PALM2AKAP2: variants seen among roughly 807,000 people sequenced by gnomAD.
PALM2AKAP2 encodes PALM2-AKAP2 fusion protein.
PALM2AKAP2 carries 37 observed loss-of-function variants against 71.5 expected under a neutral mutation model. The ratio of observed to expected loss-of-function variants is 0.52; its 90% CI spans 0.40 to 0.68. PALM2AKAP2 has a LOEUF of 0.68. Ranked by LOEUF, PALM2AKAP2 falls within the 30% of genes least tolerant of loss-of-function variation. The pLI, the probability that PALM2AKAP2 is intolerant of heterozygous loss-of-function variation, is 0.00. For synonymous variants in PALM2AKAP2, 468 were observed against 478.8 expected (o/e 0.98, Z 0.29); for missense variants, 1,224 against 1,191.8 (o/e 1.03, Z -0.40).
rs552661145 is a variant in PALM2AKAP2, at chr9:109,781,710, G to C, written c.45+1177G>C. On this transcript the variant is annotated intron_variant, in intron 1 of 9. Transcript: ENST00000302798. ...GAAATGTCTTGGAGACTTCACCACT[G>C]AAGTGAGAGAGATGTTTGCTGGCAA... Among the ~76,000 whole-genome samples the C allele has an allele frequency of 7.9e-5, 12 of 152,326 alleles. No homozygotes were observed. The South Asian group carries it at 2.5e-3, about 32-fold the overall frequency.
chr9:109,686,220 G>A (rs758970598), intron 1 of PALM2AKAP2, among the ~76,000 whole-genome samples: 7 of 152,068 alleles, frequency 4.6e-5, no homozygotes, highest in South Asian at 4.1e-4. Flanking sequence ...TCCCATTAAC[G>A]TTGATATCAT....
At position 110,016,432 on chromosome 9, in the gene PALM2AKAP2, C is replaced by T. The variant is rs182628750; in HGVS notation, c.582+393C>T. ...AATTCTGATCTGAGAATTCAGGCCC[C>T]ACTGTGCATTGTGAGGAAAGGTCAG... is the stretch of plus-strand genomic sequence containing the variant. On this transcript the variant is annotated intron_variant, in intron 7 of 9. Transcript: ENST00000302798. Among the ~76,000 whole-genome samples the T allele has an allele frequency of 1.1e-3, 168 of 152,282 alleles. 1 individual carries two copies. Among genetic ancestry groups the T allele is most frequent in the Non-Finnish European group, 5.9e-4 (40 of 68,036 alleles).
intron 1 of PALM2AKAP2, among the ~76,000 whole-genome samples, chr9:110,083,582 GT>G (rs1026267625): frequency 7.3e-5 from 11 of 151,344 alleles, no homozygotes; most frequent in South Asian, 4.3e-4. Context: ...GGTTTGGTTT[GT>G]TTTTTTTCCT....
At chr9:109,681,629 G>A (rs1208358597) in intron 1 of PALM2AKAP2, among the ~76,000 whole-genome samples, 1 of 152,208 alleles carries the variant, frequency 6.6e-6, no homozygotes, top group African/African-American at 2.4e-5. Flanking sequence ...GGGCAGGATG[G>A]AGTTTTCATT....
intron 3 of PALM2AKAP2, among the ~76,000 whole-genome samples, 166 bp downstream of exon 10, chr9:110,162,298 G>A (rs985808862): frequency 3.3e-5 from 5 of 152,114 alleles, no homozygotes; most frequent in African/African-American, 1.2e-4. Context: ...GCCTCGAAAT[G>A]TTGGAGTCCA....
chr9:110,047,114 G>T (rs1564277161), upstream of PALM2AKAP2, among the ~76,000 whole-genome samples: 1 of 152,198 alleles, frequency 6.6e-6, no homozygotes, highest in African/African-American at 2.4e-5. Flanking sequence ...AAGGAAGGAA[G>T]AAAAAGTTGA....
chr9:109,757,058 G>A (rs1056792962), intron 1 of PALM2AKAP2, among the ~76,000 whole-genome samples: 3 of 151,914 alleles, frequency 2.0e-5, no homozygotes, highest in African/African-American at 4.8e-5. Context: ...TGAACATAAC[G>A]TGTTCTATCT....
intron 7 of PALM2AKAP2, among the ~76,000 whole-genome samples, chr9:110,038,112 G>T (rs1332903841): frequency 1.3e-5 from 2 of 152,168 alleles, no homozygotes; most frequent in Non-Finnish European, 2.9e-5. Context: ...CCTCAAGGTG[G>T]CAGGATCGCT....
rs1836614394 is a variant in PALM2AKAP2, at chr9:110,162,090, C to A, written c.2748+5593C>A. The A allele has an allele frequency of 1.2e-6, 2 of 1,613,942 alleles. No homozygotes were observed. Among genetic ancestry groups the A allele is most frequent in the African/African-American group, 1.3e-5 (1 of 74,974 alleles). On this transcript the variant is annotated intron_variant, in intron 3 of 3. Coordinates refer to ENST00000374525, the Ensembl canonical transcript of PALM2AKAP2. The stretch of plus-strand genomic sequence containing the variant: ...CTAACCCTGGTCTTTTCCCTCTCTG[C>A]CAGTACACTTCTAAGTTACTGTCTT...
intron 3 of PALM2AKAP2, 43 bp downstream of exon 9, chr9:110,156,540 C>G: frequency 6.5e-7 from 1 of 1,549,674 alleles, no homozygotes; most frequent in South Asian, 1.3e-5. Context: ...CTGAGCGCGG[C>G]CATCGGTGTG....
intron 1 of PALM2AKAP2, among the ~76,000 whole-genome samples, chr9:109,752,220 A>G (rs1179318263): frequency 5.3e-5 from 8 of 152,142 alleles, no homozygotes; most frequent in African/African-American, 9.7e-5. Context: ...AAGGCATTCA[A>G]TGAAGACCAG....
chr9:110,048,749 C>G (rs2132492310), exon 1 of PALM2AKAP2: 1 of 1,368,988 alleles, frequency 7.3e-7, no homozygotes, highest in South Asian at 1.5e-5. Flanking sequence ...CCGGAGTCTC[C>G]TGGACCCCCG....
intron 6 of PALM2AKAP2, among the ~76,000 whole-genome samples, chr9:109,977,791 AC>A (rs1048237188): frequency 1.3e-5 from 2 of 152,146 alleles, no homozygotes. Flanking sequence ...GGTATCAGCA[AC>A]ATCCTTTCAG....
chr9:109,934,026 A>G (rs1322329877), intron 6 of PALM2AKAP2, among the ~76,000 whole-genome samples: 2 of 152,230 alleles, frequency 1.3e-5, no homozygotes, highest in Non-Finnish European at 2.9e-5. Flanking sequence ...GACAAATGTC[A>G]CTTGTCATTA....
chr9:109,833,133 G>A (rs550966069), intron 1 of PALM2AKAP2, among the ~76,000 whole-genome samples: 5 of 152,238 alleles, frequency 3.3e-5, no homozygotes, highest in East Asian at 3.9e-4. Flanking sequence ...GAGGCAGGTG[G>A]ATCACGAGGT....
intron 1 of PALM2AKAP2, among the ~76,000 whole-genome samples, chr9:109,732,365 T>G (rs1161279190): frequency 6.6e-6 from 1 of 152,224 alleles, no homozygotes; most frequent in Non-Finnish European, 1.5e-5. Context: ...ATGTTCATTA[T>G]TTATAATAAC....
chr9:110,034,943 T>A (rs1303496224), intron 7 of PALM2AKAP2, among the ~76,000 whole-genome samples: 1 of 151,890 alleles, frequency 6.6e-6, no homozygotes, highest in Non-Finnish European at 1.5e-5. Context: ...TGAAAATAGC[T>A]GTGTTTATGA....
At chr9:109,672,580 T>C (rs937216941) in intron 1 of PALM2AKAP2, among the ~76,000 whole-genome samples, 1 of 152,086 alleles carries the variant, frequency 6.6e-6, no homozygotes. Context: ...TGTTGTTGTA[T>C]CTCTGTCAAA....
At chr9:110,019,238 C>CA (rs769230271) in intron 7 of PALM2AKAP2, among the ~76,000 whole-genome samples, 1,324 of 47,186 alleles carry the variant, frequency 0.028, 25 homozygotes, top group East Asian at 0.082. Context: ...GACTCTGTCT[C>CA]AAAAAAAAAA....
Sources: gnomAD v4.1 joint callset for allele counts (sites outside exome capture counted in the v4.1 genomes callset) on GRCh38, gnomAD v4.1.1 for gene constraint, MANE v1.5 for transcripts, NCBI Gene and HGNC (gene_info 2026-07-23, HGNC 2026-07-21) for gene names.